SRSF7: variants seen among roughly 807,000 people sequenced by gnomAD.
SRSF7 encodes the protein serine/arginine-rich splicing factor 7.
Under a neutral mutation model 42.2 loss-of-function variants are expected in SRSF7, and 15 were observed. The ratio of observed to expected loss-of-function variants is 0.36; its 90% CI spans 0.24 to 0.55. The LOEUF (loss-of-function observed/expected upper bound fraction) is 0.55. Ranked by LOEUF, SRSF7 falls within the 20% of genes least tolerant of loss-of-function variation. The pLI, the probability that SRSF7 is intolerant of heterozygous loss-of-function variation, is 0.88. For synonymous variants in SRSF7, 138 were observed against 107.9 expected, an observed-to-expected ratio of 1.28 and a Z score of -1.73; for missense variants, 181 against 305.9, an observed-to-expected ratio of 0.59 and a Z score of 3.04.
chr2:38,747,602 A>G (rs758335942), intron 5 of SRSF7, among the ~76,000 whole-genome samples: 4 of 152,048 alleles, frequency 2.6e-5, no homozygotes, highest in Non-Finnish European at 5.9e-5. Flanking sequence ...CTGTGTACAC[A>G]CTACTGCCCT....
intron 5 of SRSF7, chr2:38,747,206 GC>G (rs1301858103): frequency 1.0e-5 from 4 of 396,086 alleles, no homozygotes; most frequent in Admixed American, 8.8e-5. Flanking sequence ...AAAGAAAGCC[GC>G]CCCCCATTTG....
Position 38,744,097 on chromosome 2 carries a change from G to A in SRSF7, c.*1036C>T. On this transcript the variant is annotated 3_prime_UTR_variant, in exon 8 of 8. Transcript: ENST00000313117. The stretch of plus-strand genomic sequence containing the variant: ...ACATGGAGTGTTGCTAAATATAGCT[G>A]AGATTTACAAAACCACTTTAGTCTC... 1 of 152,492 alleles carries A rather than the reference G, an allele frequency of 6.6e-6. No homozygotes were observed. The highest frequency in any genetic ancestry group is 2.4e-5 in the African/African-American group (1 of 41,438). 9.4% of individuals were successfully genotyped at this position (152,492 alleles called of 1,614,324 possible).
In SRSF7 at chr2:38,748,654, C is replaced by A; in HGVS notation, c.387-1G>T. On this transcript the variant is annotated splice_acceptor_variant, in intron 3 of 7. Transcript: ENST00000313117. LOFTEE classifies it high-confidence loss of function. ...TCGAGAATGTGATCTAGACCGTGAC[C>A]TATTTTTCAAGTTAGAGAAAAAACA... 2 of 1,613,914 alleles carry A rather than the reference C, an allele frequency of 1.2e-6. No individual in the cohort carries two copies. Among genetic ancestry groups the A allele is most frequent in the Admixed American group, 3.3e-5 (2 of 59,980 alleles).
chr2:38,744,839 T>G lies in SRSF7; in HGVS notation c.*294A>C. ...GAATAAGGTTAACAATTATAATGTC[T>G]GACTCTCAAATATATCAAATTAAGA... is the stretch of plus-strand genomic sequence containing the variant. On this transcript the variant is annotated 3_prime_UTR_variant, in exon 8 of 8. Transcript: ENST00000313117. 1 of 326,842 alleles carries G rather than the reference T, an allele frequency of 3.1e-6. No homozygotes were observed. The highest frequency in any genetic ancestry group is 5.6e-6 in the Non-Finnish European group (1 of 178,870). 20.2% of individuals were successfully genotyped at this position (326,842 alleles called of 1,614,324 possible). A position where few individuals can be genotyped will look rare whatever the true frequency, so the allele number is the denominator to read the frequency against.
rs1482818970 is a variant in SRSF7, at chr2:38,746,674, T to C, written c.626+20A>G. On this transcript the variant is annotated intron_variant, in intron 6 of 7. Transcript: ENST00000313117. Reference sequence around the variant, plus strand: ...TTGGTGCCATATAACTAGAAAAGCATAATCAAATTTTTACCCTACCTGCTT... The same window carrying C: ...TTGGTGCCATATAACTAGAAAAGCACAATCAAATTTTTACCCTACCTGCTT... 6.2e-7 allele frequency: 1 copy of C among 1,612,860 alleles called. No individual in the cohort carries two copies. The highest frequency in any genetic ancestry group is 2.2e-5 in the East Asian group (1 of 44,868).
intron 7 of SRSF7, 118 bp downstream of exon 7, chr2:38,746,026 T>G: frequency 2.0e-6 from 2 of 986,720 alleles, no homozygotes; most frequent in Non-Finnish European, 3.1e-6. Flanking sequence ...AGCATAGTAT[T>G]TTAATCTATA....
At chr2:38,751,058 C>T (rs898462193) in intron 1 of SRSF7, 171 bp downstream of exon 1, 6 of 772,748 alleles carry the variant, frequency 7.8e-6, no homozygotes, top group Non-Finnish European at 1.3e-5. Context: ...CACCCGCCAT[C>T]CCGTCTCCCT....
rs1171477677 is a variant in SRSF7 at position 38,750,009 on chromosome 2, C to T, written c.209+5G>A. ...TGAACAGAAGATTCATAACATCTTACTTACTTTCCATCCAGTCCTCGTACT... is the reference window on the plus strand; with the variant it reads ...TGAACAGAAGATTCATAACATCTTATTTACTTTCCATCCAGTCCTCGTACT... On this transcript the variant is annotated splice_donor_5th_base_variant and intron_variant, in intron 2 of 7. Transcript: ENST00000313117. The T allele has an allele frequency of 6.2e-7, 1 of 1,602,872 alleles. No homozygotes were observed. Among genetic ancestry groups the T allele is most frequent in the Admixed American group, 1.8e-5 (1 of 56,964 alleles).
intron 4 of SRSF7, 46 bp downstream of exon 4, chr2:38,748,533 G>A (rs1429805451): frequency 1.3e-6 from 2 of 1,576,474 alleles, no homozygotes; most frequent in African/African-American, 1.3e-5. Context: ...GACTACCAGT[G>A]AATTTAATAA....
rs80309705 is a variant in SRSF7, at chr2:38,745,657, G to A, written c.663-470C>T. On this transcript the variant is annotated intron_variant, in intron 7 of 7. Coordinates refer to ENST00000313117, the MANE Select transcript of SRSF7 (RefSeq NM_001031684.3). ...GGGACAGAGCGAAAACTCCATCCCA[G>A]AAAAAAAAAAAAATTAGGCTATCCT... is the stretch of plus-strand genomic sequence containing the variant. Among the ~76,000 whole-genome samples, 256 of 140,100 alleles carry A rather than the reference G, an allele frequency of 1.8e-3. 2 individuals carry two copies. Among genetic ancestry groups the A allele is most frequent in the South Asian group, 8.3e-3 (37 of 4,432 alleles). 91.9% of individuals were successfully genotyped at this position (140,100 alleles called of 152,430 possible). A position where few individuals can be genotyped will look rare whatever the true frequency, so the allele number is the denominator to read the frequency against.
chr2:38,749,147 GGC>G, intron 3 of SRSF7: 1 of 1,318,534 alleles, frequency 7.6e-7, no homozygotes, highest in Non-Finnish European at 1.0e-6. Flanking sequence ...TTACTGTTAC[GGC>G]GATCACCGTC....
At position 38,751,302 on chromosome 2, in the gene SRSF7, G is replaced by C; in HGVS notation, c.-46C>G. 1 of 1,613,676 alleles carries C rather than the reference G, an allele frequency of 6.2e-7. No individual in the cohort carries two copies. The highest frequency in any genetic ancestry group is 8.5e-7 in the Non-Finnish European group (1 of 1,179,832). On this transcript the variant is annotated 5_prime_UTR_variant, in exon 1 of 8. Transcript: ENST00000313117. Reference sequence around the variant, plus strand: ...GGCTCTTTAGCAAGCAGCGCCCAGGGCTCGAGTGACGCAAAAGCTGACACA... The same window carrying C: ...GGCTCTTTAGCAAGCAGCGCCCAGGCCTCGAGTGACGCAAAAGCTGACACA...
chr2:38,748,585 C>A lies in SRSF7; in HGVS notation c.455G>T (p.Gly152Val). 2 of 1,614,048 alleles carry A rather than the reference C, an allele frequency of 1.2e-6. No individual in the cohort carries two copies. Among genetic ancestry groups the A allele is most frequent in the Admixed American group, 1.7e-5 (1 of 60,024 alleles). The change falls in exon 4 of 8, where the codon GGA (glycine) becomes GTA (valine). Residue 152 changes from glycine to valine, a missense_variant. By Grantham distance (109) the Gly-to-Val change is moderately radical. This residue lies in a region of SRSF7 where 136 missense variants were observed against 147.8 expected (regional missense o/e 0.92). Coordinates refer to ENST00000313117, the MANE Select transcript of SRSF7 (RefSeq NM_001031684.3). ...RYSRSRSRSR[G>V]RRSRSASPRR... is the part of the protein sequence containing the mutation. ...CAGTTAAACAAGATCTCACCTTCGT[C>A]CCCTGCTCCTGCTGCGTGAGCGAGA...
At chr2:38,747,563 G>T (rs1381329892) in intron 5 of SRSF7, among the ~76,000 whole-genome samples, 1 of 151,314 alleles carries the variant, frequency 6.6e-6, no homozygotes, top group Admixed American at 6.6e-5. Context: ...GGTCTGAAAC[G>T]GTCTAAAAAA....
intron 4 of SRSF7, 90 bp downstream of exon 4, chr2:38,748,489 T>C: frequency 7.4e-7 from 1 of 1,346,948 alleles, no homozygotes; most frequent in Non-Finnish European, 1.1e-6. Context: ...CAAGACCCTG[T>C]CTCCAAAAAA....
intron 7 of SRSF7, 53 bp from the exon 8 acceptor site, chr2:38,745,240 A>G: frequency 6.3e-7 from 1 of 1,575,904 alleles, no homozygotes. Flanking sequence ...TGAAACTCTC[A>G]TGTACATGTA....
intron 1 of SRSF7, 52 bp from the exon 2 acceptor site, chr2:38,750,246 G>A (rs1192999631): frequency 1.3e-6 from 2 of 1,534,008 alleles, no homozygotes; most frequent in Non-Finnish European, 1.8e-6. Flanking sequence ...TCTGGCCCAA[G>A]TTTCAATTAC....
intron 5 of SRSF7, chr2:38,747,247 T>G: frequency 6.1e-6 from 2 of 326,486 alleles, no homozygotes; most frequent in Non-Finnish European, 1.3e-5. Context: ...CAAGTTATGT[T>G]TGAGAGCCAT....
upstream of SRSF7, chr2:38,751,365 G>A (rs1206678436): frequency 2.2e-5 from 33 of 1,491,324 alleles, no homozygotes; most frequent in East Asian, 3.2e-4. Context: ...GCACTACGAG[G>A]AAGAGCCCGG....
Sources: gnomAD v4.1 joint callset for allele counts (sites outside exome capture counted in the v4.1 genomes callset) on GRCh38, gnomAD v4.1.1 for gene constraint, gnomAD v4.1.1 regional missense constraint, MANE v1.5 for transcripts, NCBI Gene and HGNC (gene_info 2026-07-23, HGNC 2026-07-21) for gene names.